The following CDH3 variants were observed in gnomAD, a reference collection of about 807,000 sequenced individuals.
The protein encoded by CDH3 is cadherin-3.
Under a neutral mutation model 82.0 loss-of-function variants are expected in CDH3, and 54 were observed. The ratio of observed to expected loss-of-function variants is 0.66; its 90% confidence interval spans 0.53 to 0.83. CDH3 has a LOEUF of 0.83. Ranked by LOEUF, CDH3 falls within the 40% of genes least tolerant of loss-of-function variation. The pLI is 0.00. For synonymous variants in CDH3, 446 were observed against 437.9 expected (o/e 1.02, Z -0.23); for missense variants, 1,054 against 1,084.6 (o/e 0.97, Z 0.40).
At chr16:68,728,653 T>A (rs528216133), downstream of CDH3, among the ~76,000 whole-genome samples, 1 of 152,318 alleles carries the variant, frequency 6.6e-6, no homozygotes, top group South Asian at 2.1e-4. Context: ...GTTCCTAGTG[T>A]TAAACAGAAT....
At chr16:68,714,738 G>A (rs748793510) in intron 1 of CDH3, among the ~76,000 whole-genome samples, 2 of 152,018 alleles carry the variant, frequency 1.3e-5, no homozygotes, top group Non-Finnish European at 2.9e-5. Context: ...TCAAGACAAG[G>A]CCGGGTTCAG....
At chr16:68,700,301 A>G (rs186936516), downstream of CDH3, 26 of 152,334 alleles carry the variant, frequency 1.7e-4, no homozygotes, top group Admixed American at 1.6e-3. Context: ...GAGGATGACT[A>G]ATTCTGTAAA....
the CDH3 span, among the ~76,000 whole-genome samples, chr16:68,733,049 T>G: frequency 6.6e-5 from 10 of 152,238 alleles, no homozygotes; most frequent in Admixed American, 5.2e-4. Context: ...AGAGGGCTAA[T>G]CACTCACCTT....
chr16:68,651,882 C>G (rs1390075915), intron 2 of CDH3: 3 of 438,784 alleles, frequency 6.8e-6, no homozygotes, highest in African/African-American at 2.1e-5. Context: ...GGGGTCATAT[C>G]TGGACAGGAG....
intron 1 of CDH3, among the ~76,000 whole-genome samples, chr16:68,708,734 C>T (rs1281130801): frequency 6.6e-6 from 1 of 151,934 alleles, no homozygotes; most frequent in African/African-American, 2.4e-5. Flanking sequence ...ACCTCCACCT[C>T]CCGGGTTCAG....
At chr16:68,658,650 A>G (rs1016775008) in intron 2 of CDH3, among the ~76,000 whole-genome samples, 9 of 152,186 alleles carry the variant, frequency 5.9e-5, no homozygotes, top group Admixed American at 3.9e-4. Flanking sequence ...CACACAAGCC[A>G]GGACAGGACG....
At chr16:68,676,498 A>G (rs200141594) in intron 3 of CDH3, 28 bp downstream of exon 3, 65 of 1,559,838 alleles carry the variant, frequency 4.2e-5, no homozygotes, top group Non-Finnish European at 1.8e-5. Context: ...CCTGCAGGAC[A>G]AAAGAAAGAT....
rs138461499 is a variant in CDH3 at position 68,679,815 on chromosome 16, G to A, written c.708G>A (p.Gln236=). Residue 236 remains glutamine (Q), a synonymous_variant, in exon 7 of 16, where the codon CAG becomes CAA. Coordinates refer to ENST00000264012, the MANE Select transcript of CDH3 (RefSeq NM_001793.6). The part of the protein sequence containing the change: ...EGVLPGTSVM[Q]VTATDEDDAI... The stretch of plus-strand genomic sequence containing the variant: ...TCTCTCCAGGTACTTCTGTGATGCA[G>A]GTGACAGCCACGGATGAGGATGATG... 146 of 1,612,738 alleles carry A rather than the reference G, an allele frequency of 9.1e-5. No individual in the cohort carries two copies. The African/African-American group carries it at 1.9e-3, about 20-fold the overall frequency.
At chr16:68,672,902 G>A (rs1435138806) in intron 2 of CDH3, among the ~76,000 whole-genome samples, 1 of 152,142 alleles carries the variant, frequency 6.6e-6, no homozygotes, top group Non-Finnish European at 1.5e-5. Flanking sequence ...GTTTTGCCTG[G>A]TTTTGAACTT....
chr16:68,712,184 A>T (rs1962040431), intron 1 of CDH3, among the ~76,000 whole-genome samples: 1 of 151,794 alleles, frequency 6.6e-6, no homozygotes, highest in African/African-American at 2.4e-5. Flanking sequence ...CTACAGGTGC[A>T]TGTGACTATG....
chr16:68,728,557 A>G (rs565149404), downstream of CDH3, among the ~76,000 whole-genome samples: 3 of 119,178 alleles, frequency 2.5e-5, no homozygotes, highest in African/African-American at 8.8e-5. Flanking sequence ...CAGCCTCCCA[A>G]AGTGATGGGA....
rs112145224 is a variant in CDH3 at position 68,675,090 on chromosome 16, G to A, written c.161-1295G>A. 9.0e-3 allele frequency among the ~76,000 whole-genome samples: 1,370 copies of A among 152,008 alleles called. 15 individuals carry two copies. Among genetic ancestry groups the A allele is most frequent in the Middle Eastern group, 0.014 (4 of 294 alleles). Reference sequence around the variant, plus strand: ...ATCATGCCACTGCACTCCAGCCTGGGTGACAGAGTGAGACTCTGTTTCCAA... The same window carrying A: ...ATCATGCCACTGCACTCCAGCCTGGATGACAGAGTGAGACTCTGTTTCCAA... On this transcript the variant is annotated intron_variant, in intron 2 of 15. Transcript: ENST00000264012.
At chr16:68,654,711 A>ATATATATAT (rs921226592) in intron 2 of CDH3, among the ~76,000 whole-genome samples, 1 of 132,344 alleles carries the variant, frequency 7.6e-6, no homozygotes, top group African/African-American at 2.9e-5. Flanking sequence ...TCAAAAAAAA[A>ATATATATAT]AAATATATAT....
intron 2 of CDH3, among the ~76,000 whole-genome samples, chr16:68,655,671 C>G (rs1347747337): frequency 6.7e-6 from 1 of 149,464 alleles, no homozygotes; most frequent in Non-Finnish European, 1.5e-5. Context: ...TAGTGAAACC[C>G]CGTCTCTGCT....
chr16:68,685,492 C>T (rs1181216861), intron 11 of CDH3, 142 bp downstream of exon 11: 1 of 852,154 alleles, frequency 1.2e-6, no homozygotes, highest in Non-Finnish European at 1.9e-6. Context: ...TCAAAGGGGT[C>T]TTTCAGAGGA....
chr16:68,731,450 ACGT>A (rs1962291058), downstream of CDH3, among the ~76,000 whole-genome samples: 1 of 13,702 alleles, frequency 7.3e-5, no homozygotes. Context: ...ATACACACAC[ACGT>A]ATATACACAT....
At chr16:68,654,754 C>A (rs1420584742) in intron 2 of CDH3, among the ~76,000 whole-genome samples, 1 of 139,740 alleles carries the variant, frequency 7.2e-6, no homozygotes, top group Admixed American at 7.4e-5. Context: ...AAATTAGAGG[C>A]GGCCGGCATG....
intron 9 of CDH3, among the ~76,000 whole-genome samples, chr16:68,683,731 G>T (rs1244792053): frequency 8.3e-4 from 61 of 73,558 alleles, no homozygotes; most frequent in African/African-American, 3.0e-3. Context: ...AGAAAATCCA[G>T]CCTGGACAAC....
chr16:68,659,934 C>G (rs1960514860), intron 2 of CDH3, among the ~76,000 whole-genome samples: 3 of 152,012 alleles, frequency 2.0e-5, no homozygotes, highest in African/African-American at 7.2e-5. Context: ...AGGCATCTTT[C>G]CAGACTGTTA....
Sources: gnomAD v4.1 joint callset for allele counts (sites outside exome capture counted in the v4.1 genomes callset) on GRCh38, gnomAD v4.1.1 for gene constraint, MANE v1.5 for transcripts, NCBI Gene and HGNC (gene_info 2026-07-23, HGNC 2026-07-21) for gene names.